The following ERC1 variants were observed in gnomAD, a reference collection of about 807,000 sequenced individuals.
The protein encoded by ERC1 is RAB6 interacting protein 2.
In ERC1, 56 loss-of-function variants were observed where a neutral mutation model predicts 132.0. The ratio of observed to expected loss-of-function variants is 0.42; its 90% CI spans 0.34 to 0.53. The LOEUF (loss-of-function observed/expected upper bound fraction) is 0.53, where lower values mean the gene tolerates loss of function less well. Ranked by LOEUF, ERC1 falls within the 20% of genes least tolerant of loss-of-function variation. The pLI is 0.03. For missense variants in ERC1, 1,202 were observed against 1,349.9 expected, an observed-to-expected ratio of 0.89 and a Z score of 1.72; for synonymous variants, 478 against 476.1, an observed-to-expected ratio of 1.00 and a Z score of -0.05.
chr12:1,298,033 A>C (rs1319784095), intron 15 of ERC1, among the ~76,000 whole-genome samples: 1 of 152,132 alleles, frequency 6.6e-6, no homozygotes, highest in Non-Finnish European at 1.5e-5. Flanking sequence ...TTGAGTTTAC[A>C]CTGAGTTCTG....
intron 16 of ERC1, among the ~76,000 whole-genome samples, chr12:1,406,816 T>G (rs1200853066): frequency 6.6e-6 from 1 of 152,124 alleles, no homozygotes; most frequent in Non-Finnish European, 1.5e-5. Context: ...GAGGTTGCAG[T>G]GAGCAGTGAT....
intron 15 of ERC1, among the ~76,000 whole-genome samples, chr12:1,353,286 T>A (rs2085206512): frequency 6.6e-6 from 1 of 152,184 alleles, no homozygotes; most frequent in African/African-American, 2.4e-5. Flanking sequence ...TGCCTCGGCC[T>A]CCCAAAGTAC....
chr12:1,365,916 A>G (rs947947879), intron 15 of ERC1, among the ~76,000 whole-genome samples: 6 of 152,248 alleles, frequency 3.9e-5, no homozygotes, highest in Non-Finnish European at 5.9e-5. Flanking sequence ...GCCACATGCT[A>G]CATGGATGAA....
intron 14 of ERC1, among the ~76,000 whole-genome samples, chr12:1,282,145 G>GACTC (rs1016280413): frequency 6.6e-6 from 1 of 152,052 alleles, no homozygotes; most frequent in Non-Finnish European, 1.5e-5. Context: ...TCCCCAGAGT[G>GACTC]ACTCATGAGA....
At position 1,261,836 on chromosome 12, in the gene ERC1, A is replaced by T. The variant is rs374207382; in HGVS notation, c.2488-1198A>T. Among the ~76,000 whole-genome samples, 218 of 152,268 alleles carry T rather than the reference A, an allele frequency of 1.4e-3. 3 individuals carry two copies. The highest frequency in any genetic ancestry group is 4.9e-3 in the African/African-American group (205 of 41,550). ...CATCACGTACAGCACCAAAATGTGA[A>T]TTTTTTTCTAAATCTCATTTTTTAA... On this transcript the variant is annotated intron_variant, in intron 13 of 18. Coordinates refer to ENST00000360905, the MANE Select transcript of ERC1 (RefSeq NM_178040.4).
In ERC1 at chr12:1,112,293, G is replaced by T. The variant is rs776430020; in HGVS notation, c.1396G>T (p.Ala466Ser). 2 of 1,612,124 alleles carry T rather than the reference G, an allele frequency of 1.2e-6. No homozygotes were observed. Among genetic ancestry groups the T allele is most frequent in the Admixed American group, 3.3e-5 (2 of 59,982 alleles). Reference protein sequence around the residue: ...ELKKKAAGLQAEIGQVKQELS... With the variant: ...ELKKKAAGLQSEIGQVKQELS... Reference sequence around the variant, plus strand: ...GAAAAAGAAAGCGGCTGGTCTTCAGGCTGAGGTCTTTGCCGTAAGATTTAC... The same window carrying T: ...GAAAAAGAAAGCGGCTGGTCTTCAGTCTGAGGTCTTTGCCGTAAGATTTAC... Residue 466 changes from alanine (A) to serine (S), a missense_variant, in exon 6 of 19, where the codon GCT (alanine) becomes TCT (serine). By Grantham distance (99) the Ala-to-Ser change is moderately conservative (BLOSUM62 1). Coordinates refer to ENST00000360905, the MANE Select transcript of ERC1 (RefSeq NM_178040.4).
chr12:1,290,679 A>T (rs1218840277), intron 15 of ERC1, among the ~76,000 whole-genome samples: 2 of 152,054 alleles, frequency 1.3e-5, no homozygotes, highest in East Asian at 1.9e-4. Flanking sequence ...GTACCCTCTC[A>T]TTTACCATTC....
chr12:1,184,791 C>T lies in ERC1; in HGVS notation c.2157+1370C>T, dbSNP rs1285371861. 3.9e-5 allele frequency among the ~76,000 whole-genome samples: 6 copies of T among 152,210 alleles called. No homozygotes were observed. The South Asian group carries it at 8.3e-4, about 21-fold the overall frequency. On this transcript the variant is annotated intron_variant, in intron 11 of 18. Coordinates refer to ENST00000360905, the MANE Select transcript of ERC1 (RefSeq NM_178040.4). Reference sequence around the variant, plus strand: ...TTTTAGAGACAGGGTCTTGCTCTGTCGTCCAGGCTGGAGTGCAGTGGCGTA... The same window carrying T: ...TTTTAGAGACAGGGTCTTGCTCTGTTGTCCAGGCTGGAGTGCAGTGGCGTA...
At chr12:1,080,497 G>T (rs1942031963) in intron 2 of ERC1, among the ~76,000 whole-genome samples, 1 of 152,168 alleles carries the variant, frequency 6.6e-6, no homozygotes, top group African/African-American at 2.4e-5. Context: ...CAGGTGATAT[G>T]GTTTGGCTGT....
At chr12:1,411,950 T>C (rs527898868) in intron 17 of ERC1, among the ~76,000 whole-genome samples, 1 of 152,324 alleles carries the variant, frequency 6.6e-6, no homozygotes, top group African/African-American at 2.4e-5. Context: ...CATTTTCCTT[T>C]CTCTACCAAA....
chr12:1,346,159 G>GTTGT (rs77940630), intron 15 of ERC1, among the ~76,000 whole-genome samples: 44,104 of 151,586 alleles, frequency 0.29, 6,880 homozygotes, highest in Middle Eastern at 0.35. Context: ...TCAAGTTTTT[G>GTTGT]TTGTTTGTTT....
chr12:1,479,353 G>A (rs1163569779), intron 18 of ERC1, among the ~76,000 whole-genome samples: 5 of 152,178 alleles, frequency 3.3e-5, no homozygotes, highest in African/African-American at 9.7e-5. Flanking sequence ...CGACTGTATA[G>A]ATTAGTTGAG....
intron 1 of ERC1, among the ~76,000 whole-genome samples, chr12:997,004 G>A (rs368493327): frequency 1.4e-4 from 22 of 152,246 alleles, no homozygotes; most frequent in Middle Eastern, 3.4e-3. Flanking sequence ...CTGCAACCTT[G>A]AATTCCTGGG....
chr12:1,189,265 T>C (rs936220139), intron 11 of ERC1, among the ~76,000 whole-genome samples: 2 of 152,214 alleles, frequency 1.3e-5, no homozygotes, highest in South Asian at 2.1e-4. Flanking sequence ...TATTATTTTG[T>C]AAATTCTCTA....
rs761046706 is a variant in ERC1 at position 1,491,878 on chromosome 12, C to T, written c.*1648C>T. The T allele has an allele frequency of 3.9e-5, 9 of 232,510 alleles. No homozygotes were observed. The highest frequency in any genetic ancestry group is 6.8e-5 in the Non-Finnish European group (8 of 117,694). 14.4% of individuals were successfully genotyped at this position (232,510 alleles called of 1,614,324 possible). A position where few individuals can be genotyped will look rare whatever the true frequency, so the allele number is the denominator to read the frequency against. ...ACTTAACCCAAATCTAGTTCTTTGA[C>T]CACCTCTACCACCAGAACCCAGCAG... On this transcript the variant is annotated 3_prime_UTR_variant, in exon 19 of 19. Transcript: ENST00000360905.
At chr12:1,273,747 A>C (rs573386458) in intron 14 of ERC1, among the ~76,000 whole-genome samples, 1 of 152,250 alleles carries the variant, frequency 6.6e-6, no homozygotes, top group South Asian at 2.1e-4. Flanking sequence ...GGATGGATGG[A>C]TGGATGGTCG....
At chr12:1,384,657 A>T (rs2089114243) in intron 16 of ERC1, among the ~76,000 whole-genome samples, 1 of 152,366 alleles carries the variant, frequency 6.6e-6, no homozygotes, top group South Asian at 2.1e-4. Flanking sequence ...AACATCTATC[A>T]TACCTGAAGT....
chr12:1,346,704 A>G (rs1477701987), intron 15 of ERC1, among the ~76,000 whole-genome samples: 1 of 151,972 alleles, frequency 6.6e-6, no homozygotes, highest in Non-Finnish European at 1.5e-5. Context: ...GCACTTTGGG[A>G]GGCCGAGGCG....
intron 15 of ERC1, among the ~76,000 whole-genome samples, chr12:1,292,309 G>A (rs2079511976): frequency 6.6e-6 from 1 of 152,134 alleles, no homozygotes; most frequent in South Asian, 2.1e-4. Flanking sequence ...CTATTCAATA[G>A]GTAGCCTCCT....
Sources: gnomAD v4.1 joint callset for allele counts (sites outside exome capture counted in the v4.1 genomes callset) on GRCh38, gnomAD v4.1.1 for gene constraint, MANE v1.5 for transcripts, NCBI Gene and HGNC (gene_info 2026-07-23, HGNC 2026-07-21) for gene names.